KCNQ5: variants seen among roughly 807,000 people sequenced by gnomAD.
KCNQ5 encodes potassium voltage-gated channel subfamily Q member 5, also known as potassium voltage-gated channel subfamily KQT member 5.
A neutral mutation model predicts 98.2 loss-of-function variants in KCNQ5; 30 were observed. The observed-to-expected ratio is 0.31, with a 90% confidence interval of 0.23 to 0.41. The LOEUF (loss-of-function observed/expected upper bound fraction) is 0.41. KCNQ5 is among the 10% of genes least tolerant of loss of function. KCNQ5 has a pLI of 1.00. For synonymous variants in KCNQ5, 458 were observed against 449.4 expected (o/e 1.02, Z -0.24); for missense variants, 835 against 1,182.5 (o/e 0.71, Z 4.31).
intron 6 of KCNQ5, among the ~76,000 whole-genome samples, chr6:73,109,025 T>C (rs1775119028): frequency 6.6e-6 from 1 of 152,178 alleles, no homozygotes; most frequent in Admixed American, 6.5e-5. Flanking sequence ...ACAAATATAA[T>C]AGACCTTATT....
chr6:72,857,882 G>A (rs1337086212), intron 1 of KCNQ5, among the ~76,000 whole-genome samples: 1 of 152,208 alleles, frequency 6.6e-6, no homozygotes. Context: ...AATTTACACA[G>A]TAAACATTTC....
intron 1 of KCNQ5, among the ~76,000 whole-genome samples, chr6:72,744,381 A>G (rs1224828605): frequency 1.3e-5 from 2 of 152,264 alleles, no homozygotes; most frequent in Non-Finnish European, 2.9e-5. Context: ...GTGTACTGCC[A>G]TCTACTTCTC....
chr6:72,710,040 G>A (rs1304700717), intron 1 of KCNQ5, among the ~76,000 whole-genome samples: 2 of 152,116 alleles, frequency 1.3e-5, no homozygotes, highest in African/African-American at 4.8e-5. Context: ...AGAGAGGAAT[G>A]GAGTGAGTGA....
chr6:72,738,106 G>A (rs1274656683), intron 1 of KCNQ5, among the ~76,000 whole-genome samples: 2 of 152,084 alleles, frequency 1.3e-5, no homozygotes, highest in Non-Finnish European at 2.9e-5. Flanking sequence ...AGTGAGCCGA[G>A]AGCATGCCAC....
chr6:72,786,832 C>G (rs796203425), intron 1 of KCNQ5, among the ~76,000 whole-genome samples: 1 of 151,502 alleles, frequency 6.6e-6, no homozygotes, highest in African/African-American at 2.4e-5. Flanking sequence ...CAGTGAAACC[C>G]CATCTCTACT....
chr6:72,674,567 C>T (rs1299651906), intron 1 of KCNQ5, among the ~76,000 whole-genome samples: 3 of 152,114 alleles, frequency 2.0e-5, no homozygotes, highest in Non-Finnish European at 2.9e-5. Context: ...GCTCAGGGCT[C>T]GTGACCAGCC....
At chr6:73,081,471 T>G (rs1773765487) in intron 5 of KCNQ5, among the ~76,000 whole-genome samples, 1 of 152,206 alleles carries the variant, frequency 6.6e-6, no homozygotes, top group South Asian at 2.1e-4. Flanking sequence ...CTTTTTGATC[T>G]GCTTTAGATT....
chr6:73,060,564 T>C (rs751205850), intron 3 of KCNQ5, among the ~76,000 whole-genome samples: 27 of 152,068 alleles, frequency 1.8e-4, no homozygotes, highest in Non-Finnish European at 3.5e-4. Flanking sequence ...ATAGAATACA[T>C]AAAATCAAAG....
intron 5 of KCNQ5, among the ~76,000 whole-genome samples, chr6:73,084,215 C>T (rs750691079): frequency 2.6e-5 from 4 of 152,002 alleles, no homozygotes; most frequent in East Asian, 1.9e-4. Context: ...ACAAAGGGGG[C>T]GGGATGTGAT....
intron 1 of KCNQ5, among the ~76,000 whole-genome samples, chr6:72,960,570 C>T (rs1328034829): frequency 6.6e-6 from 1 of 152,158 alleles, no homozygotes; most frequent in African/African-American, 2.4e-5. Flanking sequence ...GCTGGGATTA[C>T]AGGCACCCAC....
intron 1 of KCNQ5, among the ~76,000 whole-genome samples, chr6:72,811,381 G>A (rs1436724992): frequency 6.6e-6 from 1 of 152,076 alleles, no homozygotes; most frequent in African/African-American, 2.4e-5. Context: ...AAATTATGAA[G>A]GTTCATTTGA....
chr6:73,056,920 T>C (rs915887140), intron 3 of KCNQ5, among the ~76,000 whole-genome samples: 8 of 152,112 alleles, frequency 5.3e-5, no homozygotes, highest in African/African-American at 1.7e-4. Context: ...GACAGTGTGG[T>C]GATTCCTTAA....
intron 3 of KCNQ5, among the ~76,000 whole-genome samples, chr6:73,074,521 T>G (rs554160765): frequency 2.6e-5 from 4 of 152,342 alleles, no homozygotes; most frequent in Admixed American, 2.6e-4. Context: ...GTGTGCATAA[T>G]TTTTTAAATT....
chr6:73,075,793 C>T (rs1393897799), intron 3 of KCNQ5, among the ~76,000 whole-genome samples: 1 of 152,118 alleles, frequency 6.6e-6, no homozygotes, highest in Non-Finnish European at 1.5e-5. Context: ...CCTGTAATCT[C>T]AACTCTTTGG....
chr6:72,852,745 T>A (rs1469438182), intron 1 of KCNQ5, among the ~76,000 whole-genome samples: 1 of 148,020 alleles, frequency 6.8e-6, no homozygotes, highest in Non-Finnish European at 1.5e-5. Context: ...TTTTAGGAAT[T>A]TTATGAGCCC....
chr6:73,162,500 G>A (rs891108716), intron 10 of KCNQ5, among the ~76,000 whole-genome samples: 2 of 152,094 alleles, frequency 1.3e-5, no homozygotes, highest in Non-Finnish European at 2.9e-5. Flanking sequence ...GTGCTCACAT[G>A]AGTTCACGGT....
chr6:72,723,973 T>C (rs1248403259), intron 1 of KCNQ5, among the ~76,000 whole-genome samples: 2 of 152,190 alleles, frequency 1.3e-5, no homozygotes, highest in Admixed American at 1.3e-4. Flanking sequence ...CATTGTCTGC[T>C]AATGTTGTAA....
intron 1 of KCNQ5, among the ~76,000 whole-genome samples, chr6:72,735,559 A>G (rs914071018): frequency 6.6e-6 from 1 of 152,140 alleles, no homozygotes. Context: ...ATGACTATGT[A>G]TCTTTAAATA....
intron 11 of KCNQ5, among the ~76,000 whole-genome samples, chr6:73,177,641 C>T (rs904994790): frequency 1.5e-4 from 23 of 152,180 alleles, no homozygotes; most frequent in African/African-American, 5.6e-4. Context: ...GTTAAATCTA[C>T]AAGCTGTTTA....
Sources: gnomAD v4.1 joint callset for allele counts (sites outside exome capture counted in the v4.1 genomes callset) on GRCh38, gnomAD v4.1.1 for gene constraint, MANE v1.5 for transcripts, NCBI Gene and HGNC (gene_info 2026-07-23, HGNC 2026-07-21) for gene names.